PPP6R2: variants seen among roughly 807,000 people sequenced by gnomAD.
PPP6R2 encodes serine/threonine-protein phosphatase 6 regulatory subunit 2.
In PPP6R2, 62 loss-of-function variants were observed where a neutral mutation model predicts 100.2. The ratio of observed to expected loss-of-function variants is 0.62; its 90% CI spans 0.50 to 0.76. PPP6R2 has a LOEUF of 0.76. Among genes scored for constraint, PPP6R2 ranks in the 30% least tolerant of loss-of-function variants. PPP6R2 has a pLI of 0.00. For missense variants in PPP6R2, 1,142 were observed against 1,276.3 expected, an observed-to-expected ratio of 0.89 and a Z score of 1.60; for synonymous variants, 525 against 514.7, an observed-to-expected ratio of 1.02 and a Z score of -0.27.
rs2064798168 is a variant in PPP6R2 at position 50,438,118 on chromosome 22, C to T, written c.1840-56C>T. ...CCCTCTGGGAGCTCTATGGGGAGAG[C>T]GGCTCCTGTCTCCCCCAGACCCTCT... On this transcript the variant is annotated intron_variant, in intron 17 of 23. Transcript: ENST00000612753. 62 of 1,569,016 alleles carry T rather than the reference C, an allele frequency of 4.0e-5. No individual in the cohort carries two copies. The South Asian group carries it at 6.3e-4, about 16-fold the overall frequency.
chr22:50,339,668 G>C (rs944841048), upstream of PPP6R2, among the ~76,000 whole-genome samples: 3 of 129,110 alleles, frequency 2.3e-5, no homozygotes, highest in African/African-American at 8.7e-5. Context: ...TGTATGTTTC[G>C]AGTGTGTGTT....
chr22:50,412,630 C>CTTTTTTT (rs398037412), intron 4 of PPP6R2, among the ~76,000 whole-genome samples: 1 of 79,866 alleles, frequency 1.3e-5, no homozygotes, highest in Admixed American at 1.6e-4. Context: ...TAAATAAGTC[C>CTTTTTTT]TTTTTTTTTT....
At chr22:50,349,126 T>C (rs1329499694) in intron 1 of PPP6R2, among the ~76,000 whole-genome samples, 1 of 136,184 alleles carries the variant, frequency 7.3e-6, no homozygotes, top group African/African-American at 2.8e-5. Flanking sequence ...ACCTGGGAGG[T>C]GGAGGTTGCA....
chr22:50,333,339 C>CTTT, the PPP6R2 span, among the ~76,000 whole-genome samples: 1 of 140,610 alleles, frequency 7.1e-6, no homozygotes, highest in Non-Finnish European at 1.6e-5. Context: ...TGTTCTTTTT[C>CTTT]TTTTTTTTTT....
chr22:50,355,528 C>CTT (rs200137558), intron 1 of PPP6R2, among the ~76,000 whole-genome samples: 3 of 112,714 alleles, frequency 2.7e-5, no homozygotes, highest in African/African-American at 1.0e-4. Context: ...TGCGCCCGGC[C>CTT]TTTTTTTTTT....
At chr22:50,360,327 A>G (rs1226524943) in intron 1 of PPP6R2, among the ~76,000 whole-genome samples, 1 of 148,602 alleles carries the variant, frequency 6.7e-6, no homozygotes, top group Non-Finnish European at 1.5e-5. Context: ...CTGGGATTAT[A>G]GGCGTGAGCC....
intron 1 of PPP6R2, among the ~76,000 whole-genome samples, chr22:50,368,369 G>C (rs2049219654): frequency 6.6e-6 from 1 of 152,126 alleles, no homozygotes; most frequent in Non-Finnish European, 1.5e-5. Context: ...CTAGACCAAG[G>C]AGTCCTTTAG....
chr22:50,368,306 C>G (rs12163472), intron 1 of PPP6R2, among the ~76,000 whole-genome samples: 1 of 152,074 alleles, frequency 6.6e-6, no homozygotes, highest in Non-Finnish European at 1.5e-5. Context: ...GAGACAGACT[C>G]CCTTTCCCAG....
At chr22:50,428,185 T>G (rs1374012359) in intron 10 of PPP6R2, among the ~76,000 whole-genome samples, 2 of 152,230 alleles carry the variant, frequency 1.3e-5, no homozygotes, top group Admixed American at 6.5e-5. Flanking sequence ...TTTAAATTCT[T>G]GTAGCAGTGT....
At chr22:50,437,461 C>A in intron 15 of PPP6R2, 45 bp from the exon 16 acceptor site, 2 of 1,380,198 alleles carry the variant, frequency 1.4e-6, no homozygotes, top group East Asian at 2.3e-5. Context: ...ATGCCTCCTC[C>A]ATGACCGGTG....
At chr22:50,405,564 G>A (rs1424656111) in intron 3 of PPP6R2, among the ~76,000 whole-genome samples, 3 of 116,154 alleles carry the variant, frequency 2.6e-5, no homozygotes, top group Non-Finnish European at 3.6e-5. Flanking sequence ...GAGGTGAGAG[G>A]CCTGGCAGGC....
At chr22:50,436,082 G>A (rs2064186284) in intron 13 of PPP6R2, among the ~76,000 whole-genome samples, 1 of 152,188 alleles carries the variant, frequency 6.6e-6, no homozygotes, top group Non-Finnish European at 1.5e-5. Flanking sequence ...CAACAGACTT[G>A]GAACTCAGAT....
At position 50,444,332 on chromosome 22, in the gene PPP6R2, T is replaced by TTTAA. The variant is rs1556408934; in HGVS notation, c.*87_*88insAATT. 10 of 1,423,250 alleles carry TTTAA rather than the reference T, an allele frequency of 7.0e-6. No homozygotes were observed. The highest frequency in any genetic ancestry group is 2.1e-4 in the Middle Eastern group (1 of 4,854). 88.2% of individuals were successfully genotyped at this position (1,423,250 alleles called of 1,614,324 possible). ...TACCTGGTGATGCAATCTTTTTTTTTTTTAATTTAATTTAATTTTAAAATA... is the reference window on the plus strand; with the variant it reads ...TACCTGGTGATGCAATCTTTTTTTTTTTAATTTAATTTAATTTAATTTTAAAATA... On this transcript the variant is annotated 3_prime_UTR_variant, in exon 24 of 24. Transcript: ENST00000612753.
chr22:50,438,706 G>C lies in PPP6R2; in HGVS notation c.2072G>C (p.Gly691Ala), dbSNP rs570488224. 6.2e-7 allele frequency: 1 copy of C among 1,613,566 alleles called. No individual in the cohort carries two copies. Among genetic ancestry groups the C allele is most frequent in the South Asian group, 1.1e-5 (1 of 91,066 alleles). The change falls in exon 19 of 24, where the codon GGT becomes GCT. Residue 691 changes from glycine (G) to alanine (A), a missense_variant. Gly to Ala is a moderately conservative substitution (Grantham distance 60). This residue lies in a region of PPP6R2 where 550 missense variants were observed against 517.4 expected (regional missense o/e 1.06). Transcript: ENST00000612753. The stretch of plus-strand genomic sequence containing the variant: ...GCACACAGAGATGCACCTGGGGCAG[G>C]TGCCCCACCGGCCCCCGGGAAGAAG... The part of the protein sequence containing the change: ...LEAHRDAPGA[G>A]APPAPGKKEA...
intron 6 of PPP6R2, among the ~76,000 whole-genome samples, chr22:50,417,925 G>A (rs7410482): frequency 0.32 from 49,311 of 152,028 alleles, 8,597 homozygotes; most frequent in East Asian, 0.66. Flanking sequence ...GTCAGGGGTT[G>A]TTTCTCTCTT....
upstream of PPP6R2, among the ~76,000 whole-genome samples, chr22:50,339,516 GTGTGGT>G: frequency 1.4e-5 from 2 of 140,424 alleles, no homozygotes; most frequent in Admixed American, 7.2e-5. Context: ...TGTGTGGTGT[GTGTGGT>G]ATGTGGTGTG....
chr22:50,340,479 GGTGTGTGTGGTGTGTGTAGGGTGTGGT>G (rs1244550354), upstream of PPP6R2, among the ~76,000 whole-genome samples: 10 of 132,280 alleles, frequency 7.6e-5, no homozygotes, highest in Admixed American at 2.4e-4. Flanking sequence ...GTGTGTCTCG[GGTGTGTGTGGTGTGTGTAGGGTGTGGT>G]GTGTGTGTGG....
At position 50,444,652 on chromosome 22, in the gene PPP6R2, T is replaced by C. The variant is rs576808532; in HGVS notation, c.*405T>C. ...TTGTTGTTGTTTTGTTTTTAAAGAA[T>C]ACAGAAGGAGCCAAGCTTTTTTGCA... On this transcript the variant is annotated 3_prime_UTR_variant, in exon 24 of 24. Transcript: ENST00000612753. 2.7e-5 allele frequency: 6 copies of C among 220,344 alleles called. No individual in the cohort carries two copies. The highest frequency in any genetic ancestry group is 3.0e-4 in the East Asian group (2 of 6,658). 13.6% of individuals were successfully genotyped at this position (220,344 alleles called of 1,614,324 possible). A position where few individuals can be genotyped will look rare whatever the true frequency, so the allele number is the denominator to read the frequency against.
At chr22:50,422,659 A>C (rs1236906591) in intron 9 of PPP6R2, among the ~76,000 whole-genome samples, 1 of 152,154 alleles carries the variant, frequency 6.6e-6, no homozygotes, top group Non-Finnish European at 1.5e-5. Flanking sequence ...CACCTAGCTA[A>C]GGGGTGCTCG....
Sources: gnomAD v4.1 joint callset for allele counts (sites outside exome capture counted in the v4.1 genomes callset) on GRCh38, gnomAD v4.1.1 for gene constraint, gnomAD v4.1.1 regional missense constraint, MANE v1.5 for transcripts, NCBI Gene and HGNC (gene_info 2026-07-23, HGNC 2026-07-21) for gene names.